PRKD1: variants seen among roughly 807,000 people sequenced by gnomAD.
The protein encoded by PRKD1 is serine/threonine-protein kinase D1.
A neutral mutation model predicts 95.9 loss-of-function variants in PRKD1; 63 were observed. The observed-to-expected ratio is 0.66, with a 90% confidence interval of 0.54 to 0.81. The LOEUF (loss-of-function observed/expected upper bound fraction) is 0.81. Among genes scored for constraint, PRKD1 ranks in the 30% least tolerant of loss-of-function variants. The pLI, the probability that PRKD1 is intolerant of heterozygous loss-of-function variation, is 0.00. For synonymous variants in PRKD1, 425 were observed against 423.1 expected, an observed-to-expected ratio of 1.00 and a Z score of -0.05; for missense variants, 1,048 against 1,165.3, an observed-to-expected ratio of 0.90 and a Z score of 1.47.
At chr14:29,746,998 T>C (rs1167751255) in intron 1 of PRKD1, among the ~76,000 whole-genome samples, 1 of 152,212 alleles carries the variant, frequency 6.6e-6, no homozygotes, top group Non-Finnish European at 1.5e-5. Context: ...TACAAGATTC[T>C]ATCGGCAACA....
At chr14:29,794,636 G>T (rs1372179638) in intron 1 of PRKD1, among the ~76,000 whole-genome samples, 2 of 151,734 alleles carry the variant, frequency 1.3e-5, no homozygotes, top group Non-Finnish European at 2.9e-5. Flanking sequence ...ACACACACAG[G>T]CTCATTCTCT....
At chr14:29,907,526 G>A (rs967948847) in intron 1 of PRKD1, among the ~76,000 whole-genome samples, 5 of 152,108 alleles carry the variant, frequency 3.3e-5, no homozygotes, top group African/African-American at 1.2e-4. Flanking sequence ...TGGTCGTGTG[G>A]TGTTTATACT....
chr14:29,839,412 A>C (rs1891739991), intron 1 of PRKD1, among the ~76,000 whole-genome samples: 1 of 152,218 alleles, frequency 6.6e-6, no homozygotes, highest in Non-Finnish European at 1.5e-5. Flanking sequence ...ATGGCTACCA[A>C]GAAGTGGAAG....
chr14:29,583,222 TG>T (rs1401296356), intron 16 of PRKD1, among the ~76,000 whole-genome samples: 1 of 152,140 alleles, frequency 6.6e-6, no homozygotes, highest in Non-Finnish European at 1.5e-5. Context: ...CTAGATTTCT[TG>T]GGGTAAGATA....
chr14:29,891,260 C>A (rs568129338), intron 1 of PRKD1, among the ~76,000 whole-genome samples: 5 of 152,292 alleles, frequency 3.3e-5, no homozygotes, highest in Non-Finnish European at 5.9e-5. Flanking sequence ...GGGAGAGCAA[C>A]AACAGTCTAG....
chr14:29,882,074 G>T (rs536454314), intron 1 of PRKD1, among the ~76,000 whole-genome samples: 39 of 152,190 alleles, frequency 2.6e-4, no homozygotes, highest in African/African-American at 8.9e-4. Context: ...ATATATATCA[G>T]AACTCAGCTC....
chr14:29,741,824 A>G (rs1886992180), intron 1 of PRKD1, among the ~76,000 whole-genome samples: 1 of 152,050 alleles, frequency 6.6e-6, no homozygotes, highest in African/African-American at 2.4e-5. Context: ...TTTTTCCTCA[A>G]AATTAACCTA....
At chr14:29,920,113 G>A (rs1326634599) in intron 1 of PRKD1, among the ~76,000 whole-genome samples, 1 of 150,492 alleles carries the variant, frequency 6.6e-6, no homozygotes. Context: ...AGGAAGAAAG[G>A]GGAGAAAGAA....
chr14:29,663,106 T>A (rs1461351658), intron 4 of PRKD1, among the ~76,000 whole-genome samples: 1 of 145,100 alleles, frequency 6.9e-6, no homozygotes, highest in Non-Finnish European at 1.5e-5. Flanking sequence ...ATATATATAA[T>A]ATATAAAAAT....
chr14:29,579,170 A>C (rs1892672485), intron 16 of PRKD1, among the ~76,000 whole-genome samples: 1 of 151,922 alleles, frequency 6.6e-6, no homozygotes, highest in African/African-American at 2.4e-5. Context: ...AGTTACCCAC[A>C]GTATCATGTG....
intron 1 of PRKD1, among the ~76,000 whole-genome samples, chr14:29,832,953 A>C (rs1421637298): frequency 6.6e-6 from 1 of 151,958 alleles, no homozygotes; most frequent in Non-Finnish European, 1.5e-5. Flanking sequence ...CTCTCAAGTC[A>C]GTTTTTTTTA....
At chr14:29,873,776 T>G (rs1325095076) in intron 1 of PRKD1, among the ~76,000 whole-genome samples, 1 of 151,746 alleles carries the variant, frequency 6.6e-6, no homozygotes, top group East Asian at 1.9e-4. Context: ...ATGTTCATAT[T>G]AATATTAATC....
chr14:29,774,331 T>C (rs187964116), intron 1 of PRKD1, among the ~76,000 whole-genome samples: 1 of 152,112 alleles, frequency 6.6e-6, no homozygotes, highest in Admixed American at 6.5e-5. Context: ...AAAACATACC[T>C]CCTGAAAACG....
At chr14:29,746,226 C>T (rs1416142382) in intron 1 of PRKD1, among the ~76,000 whole-genome samples, 1 of 152,078 alleles carries the variant, frequency 6.6e-6, no homozygotes. Context: ...GACCTTACCC[C>T]TCTAGAAAAC....
intron 2 of PRKD1, among the ~76,000 whole-genome samples, chr14:29,693,996 T>C (rs932630210): frequency 6.6e-6 from 1 of 152,172 alleles, no homozygotes; most frequent in Non-Finnish European, 1.5e-5. Context: ...TTAATAAATC[T>C]TTCAAATATT....
rs746914868 is a variant in PRKD1 at position 29,638,794 on chromosome 14, CACTTTA to C, written c.801_806del (p.Lys268_Val269del). ...AGGAGTGGATGACAAATGTGTGCGG[CACTTTA>C]ACTTTAGACATCAAAATCTTGTCAA... On this transcript the variant is annotated inframe_deletion, in exon 5 of 18. Transcript: ENST00000331968. 6 of 1,575,136 alleles carry C rather than the reference CACTTTA, an allele frequency of 3.8e-6. No individual in the cohort carries two copies. In the South Asian group the frequency reaches 6.6e-5, roughly 17 times the overall value.
intron 1 of PRKD1, among the ~76,000 whole-genome samples, chr14:29,733,400 A>C (rs1886555082): frequency 6.6e-6 from 1 of 152,064 alleles, no homozygotes; most frequent in East Asian, 1.9e-4. Flanking sequence ...GTGCCCGGCC[A>C]GTTCACTGAT....
chr14:29,861,983 T>A (rs1418681334), intron 1 of PRKD1, among the ~76,000 whole-genome samples: 3 of 152,122 alleles, frequency 2.0e-5, no homozygotes, highest in Non-Finnish European at 2.9e-5. Context: ...TCATTCTAAC[T>A]ATTCTTTTGT....
At chr14:29,856,432 T>C (rs1233988290) in intron 1 of PRKD1, among the ~76,000 whole-genome samples, 1 of 152,096 alleles carries the variant, frequency 6.6e-6, no homozygotes, top group Non-Finnish European at 1.5e-5. Flanking sequence ...AAAAAGACAC[T>C]AAAAACACAG....
Sources: gnomAD v4.1 joint callset for allele counts (sites outside exome capture counted in the v4.1 genomes callset) on GRCh38, gnomAD v4.1.1 for gene constraint, MANE v1.5 for transcripts, NCBI Gene and HGNC (gene_info 2026-07-23, HGNC 2026-07-21) for gene names.